Variants in ROBO2 observed in about 807,000 individuals in gnomAD.
ROBO2 encodes roundabout guidance receptor 2, also known as roundabout homolog 2.
ROBO2 carries 53 observed loss-of-function variants against 160.8 expected under a neutral mutation model. That is an observed-to-expected ratio of 0.33 (90% CI 0.26 to 0.41). The LOEUF is 0.41. Ranked by LOEUF, ROBO2 falls within the 10% of genes least tolerant of loss-of-function variation. The probability of loss-of-function intolerance (pLI) is 1.00; values close to 1 mark genes in which losing one functional copy is unlikely to be tolerated. For missense variants in ROBO2, 1,577 were observed against 1,722.4 expected (o/e 0.92, Z 1.49); for synonymous variants, 664 against 611.7 (o/e 1.09, Z -1.26).
intron 2 of ROBO2, among the ~76,000 whole-genome samples, chr3:76,159,765 T>C (rs1163646123): frequency 1.3e-5 from 2 of 152,156 alleles, no homozygotes; most frequent in African/African-American, 4.8e-5. Flanking sequence ...GCCACCCTAG[T>C]TCTTTAGTCC....
intron 2 of ROBO2, among the ~76,000 whole-genome samples, chr3:76,158,531 T>TA (rs2072498692): frequency 6.6e-6 from 1 of 152,076 alleles, no homozygotes; most frequent in South Asian, 2.1e-4. Context: ...ATTTGATACA[T>TA]AATCAAATCT....
intron 2 of ROBO2, among the ~76,000 whole-genome samples, chr3:77,272,743 G>A (rs62249721): frequency 0.055 from 8,381 of 152,130 alleles, 481 homozygotes; most frequent in African/African-American, 0.14. Flanking sequence ...TTCCATTATT[G>A]TAATTATGCC....
chr3:77,082,485 T>A (rs1443592013), intron 1 of ROBO2, among the ~76,000 whole-genome samples: 1 of 152,096 alleles, frequency 6.6e-6, no homozygotes. Context: ...TGAGGATAAC[T>A]AAAGAAATTA....
intron 2 of ROBO2, among the ~76,000 whole-genome samples, chr3:77,245,370 C>T (rs546270938): frequency 3.3e-5 from 5 of 152,038 alleles, no homozygotes; most frequent in African/African-American, 9.6e-5. Context: ...ATGACATTGC[C>T]CAGTGACATT....
intron 2 of ROBO2, among the ~76,000 whole-genome samples, chr3:75,979,506 G>A (rs1371174657): frequency 1.3e-5 from 2 of 151,328 alleles, no homozygotes; most frequent in South Asian, 2.1e-4. Flanking sequence ...AAATGGTTCC[G>A]AGGACAGGTT....
intron 2 of ROBO2, among the ~76,000 whole-genome samples, chr3:77,212,074 A>C (rs1295069292): frequency 6.6e-6 from 1 of 152,122 alleles, no homozygotes; most frequent in Non-Finnish European, 1.5e-5. Context: ...TTTTGGTTCC[A>C]TATGAGCTTG....
At chr3:76,772,733 G>A (rs1387193566) in intron 2 of ROBO2, among the ~76,000 whole-genome samples, 1 of 150,970 alleles carries the variant, frequency 6.6e-6, no homozygotes, top group Admixed American at 6.6e-5. Context: ...TGCCAGAGTG[G>A]ACTATTACTA....
chr3:75,909,414 G>A (rs1319164820), intron 1 of ROBO2, among the ~76,000 whole-genome samples: 1 of 152,150 alleles, frequency 6.6e-6, no homozygotes, highest in Non-Finnish European at 1.5e-5. Flanking sequence ...AGTCTCAAAT[G>A]CATTGAAACA....
chr3:77,491,996 CTT>C (rs1160832071), intron 4 of ROBO2, among the ~76,000 whole-genome samples: 4 of 152,116 alleles, frequency 2.6e-5, no homozygotes, highest in African/African-American at 9.7e-5. Flanking sequence ...TATTTATACT[CTT>C]AACATCTATT....
chr3:76,125,349 T>C (rs2070929450), intron 2 of ROBO2, among the ~76,000 whole-genome samples: 1 of 152,126 alleles, frequency 6.6e-6, no homozygotes, highest in Non-Finnish European at 1.5e-5. Context: ...TTATTTTCCT[T>C]TGAGTATATG....
intron 2 of ROBO2, among the ~76,000 whole-genome samples, chr3:76,733,585 T>G (rs548565245): frequency 1.3e-5 from 2 of 152,366 alleles, no homozygotes; most frequent in African/African-American, 4.8e-5. Flanking sequence ...ATCACCATTT[T>G]GCAGATGAGG....
intron 23 of ROBO2, chr3:77,634,297 G>A (rs533239301): frequency 3.8e-5 from 6 of 159,762 alleles, no homozygotes; most frequent in African/African-American, 1.4e-4. Context: ...ATGTTGTTGA[G>A]TTTCTGCCAA....
intron 2 of ROBO2, among the ~76,000 whole-genome samples, chr3:76,522,134 T>C (rs1025358210): frequency 9.2e-5 from 14 of 152,184 alleles, no homozygotes; most frequent in Non-Finnish European, 1.5e-4. Flanking sequence ...AAAATGTTTT[T>C]CCCTCTGTAT....
intron 2 of ROBO2, among the ~76,000 whole-genome samples, chr3:76,246,536 C>A (rs1387705654): frequency 6.6e-6 from 1 of 152,066 alleles, no homozygotes; most frequent in Admixed American, 6.6e-5. Flanking sequence ...TTTACGAACA[C>A]TTTCTAATTA....
intron 2 of ROBO2, among the ~76,000 whole-genome samples, chr3:76,892,590 C>G (rs1026908702): frequency 6.6e-6 from 1 of 152,150 alleles, no homozygotes; most frequent in Non-Finnish European, 1.5e-5. Context: ...AACACTCCCT[C>G]AAATGTAAGC....
intron 2 of ROBO2, among the ~76,000 whole-genome samples, chr3:77,233,026 A>C (rs915624764): frequency 2.6e-5 from 4 of 152,158 alleles, no homozygotes; most frequent in Non-Finnish European, 4.4e-5. Context: ...TGTGTATGAA[A>C]CTAGTGCTTA....
At chr3:76,852,938 T>C (rs1276349631) in intron 2 of ROBO2, among the ~76,000 whole-genome samples, 1 of 152,098 alleles carries the variant, frequency 6.6e-6, no homozygotes, top group Non-Finnish European at 1.5e-5. Flanking sequence ...ATAATTGCTT[T>C]TAAACAACTT....
chr3:76,049,514 G>C (rs1481303869), intron 2 of ROBO2, among the ~76,000 whole-genome samples: 2 of 148,700 alleles, frequency 1.3e-5, no homozygotes, highest in African/African-American at 5.0e-5. Context: ...AAAGTGCTGG[G>C]ATTACAGGCG....
intron 2 of ROBO2, among the ~76,000 whole-genome samples, chr3:76,947,977 G>A (rs956001207): frequency 1.3e-5 from 2 of 152,076 alleles, no homozygotes; most frequent in Admixed American, 6.6e-5. Context: ...ATCTCAGAAC[G>A]TCTGAATAGG....
Sources: gnomAD v4.1 joint callset for allele counts (sites outside exome capture counted in the v4.1 genomes callset) on GRCh38, gnomAD v4.1.1 for gene constraint, MANE v1.5 for transcripts, NCBI Gene and HGNC (gene_info 2026-07-23, HGNC 2026-07-21) for gene names.